Variants in COL19A1 observed in about 807,000 individuals in gnomAD.
COL19A1 encodes the protein collagen type XIX alpha 1 chain.
In COL19A1, 159 loss-of-function variants were observed where a neutral mutation model predicts 190.2. The observed-to-expected ratio is 0.84, with a 90% CI of 0.73 to 0.95. COL19A1 has a LOEUF of 0.95. COL19A1 is among the 40% of genes least tolerant of loss of function. The pLI is 0.00. For synonymous variants in COL19A1, 509 were observed against 458.9 expected, an observed-to-expected ratio of 1.11 and a Z score of -1.39; for missense variants, 1,418 against 1,431.9, an observed-to-expected ratio of 0.99 and a Z score of 0.16.
chr6:69,900,143 G>A (rs1228259304), intron 3 of COL19A1, 96 bp from the exon 4 acceptor site: 2 of 660,764 alleles, frequency 3.0e-6, no homozygotes, highest in Non-Finnish European at 4.6e-6. Flanking sequence ...TTCGTTTGAA[G>A]TGAATCAATT....
At chr6:70,193,595 G>A (rs573851220) in intron 48 of COL19A1, among the ~76,000 whole-genome samples, 2 of 152,282 alleles carry the variant, frequency 1.3e-5, no homozygotes, top group Non-Finnish European at 2.9e-5. Flanking sequence ...AGAAACCACA[G>A]GTGTCTTAGC....
chr6:69,978,272 GAGAA>G (rs754126312), intron 11 of COL19A1, among the ~76,000 whole-genome samples: 29 of 152,234 alleles, frequency 1.9e-4, no homozygotes, highest in Non-Finnish European at 4.0e-4. Flanking sequence ...GAGAAAGAGA[GAGAA>G]AGAGAGACAG....
At position 69,927,856 on chromosome 6, in the gene COL19A1, T is replaced by C. The variant is rs562687918; in HGVS notation, c.267-53T>C. On this transcript the variant is annotated intron_variant, in intron 4 of 50. Transcript: ENST00000620364. ...CACAGAACTTTATACCTAGATTTTATTTTCTTGCAATCTCCAGTTTCCCCA... is the reference window on the plus strand; with the variant it reads ...CACAGAACTTTATACCTAGATTTTACTTTCTTGCAATCTCCAGTTTCCCCA... 2.6e-6 allele frequency: 4 copies of C among 1,562,400 alleles called. No homozygotes were observed. In the East Asian group the frequency reaches 9.1e-5, roughly 36 times the overall value.
intron 6 of COL19A1, 86 bp downstream of exon 6, chr6:69,929,786 G>C: frequency 1.4e-5 from 17 of 1,211,868 alleles, no homozygotes; most frequent in Non-Finnish European, 1.9e-5. Flanking sequence ...TTTTATTACT[G>C]TGTAATAGAT....
chr6:69,948,732 C>A (rs1773962741), intron 9 of COL19A1, among the ~76,000 whole-genome samples: 1 of 151,752 alleles, frequency 6.6e-6, no homozygotes, highest in African/African-American at 2.4e-5. Flanking sequence ...CTACTCAGAA[C>A]TAAAAATTTT....
intron 14 of COL19A1, among the ~76,000 whole-genome samples, chr6:70,067,603 T>G (rs1781319058): frequency 6.6e-6 from 1 of 152,000 alleles, no homozygotes; most frequent in Non-Finnish European, 1.5e-5. Context: ...ATCTGGGAAT[T>G]GCTGGTCTAG....
At chr6:69,901,195 T>C (rs1349332485) in intron 4 of COL19A1, among the ~76,000 whole-genome samples, 1 of 152,202 alleles carries the variant, frequency 6.6e-6, no homozygotes, top group Non-Finnish European at 1.5e-5. Context: ...AAAATATGTA[T>C]GTATGTTTTC....
At chr6:70,194,867 C>T (rs1019293795) in intron 48 of COL19A1, among the ~76,000 whole-genome samples, 2 of 151,944 alleles carry the variant, frequency 1.3e-5, no homozygotes, top group Admixed American at 6.5e-5. Context: ...AAGATTTGGG[C>T]TAAGTATTCC....
At chr6:70,050,490 AC>A (rs1780145612) in intron 14 of COL19A1, among the ~76,000 whole-genome samples, 2 of 152,086 alleles carry the variant, frequency 1.3e-5, no homozygotes, top group African/African-American at 4.8e-5. Flanking sequence ...ATCCCCAGAG[AC>A]TAAAAGTATT....
chr6:69,901,761 T>C (rs1770207200), intron 4 of COL19A1, among the ~76,000 whole-genome samples: 1 of 152,232 alleles, frequency 6.6e-6, no homozygotes, highest in South Asian at 2.1e-4. Flanking sequence ...AAAATTAAGA[T>C]GCATTTTCTC....
At chr6:70,052,326 A>G (rs909767782) in intron 14 of COL19A1, among the ~76,000 whole-genome samples, 1 of 152,166 alleles carries the variant, frequency 6.6e-6, no homozygotes, top group Non-Finnish European at 1.5e-5. Context: ...ATAGTTCAGA[A>G]CCTAGAGCAG....
Position 69,894,615 on chromosome 6 carries a change from G to C in COL19A1, c.92-4333G>C, listed in dbSNP as rs116912758. 5.9e-3 allele frequency among the ~76,000 whole-genome samples: 896 copies of C among 152,310 alleles called. 25 individuals are homozygous for C. In the East Asian group the frequency reaches 0.076, roughly 13 times the overall value. On this transcript the variant is annotated intron_variant, in intron 2 of 50. Transcript: ENST00000620364. ...ATTAAACACAGTACATAGACATGCAGAAGAAAACCCAGTCGCTGGGTGGGG... is the reference window on the plus strand; with the variant it reads ...ATTAAACACAGTACATAGACATGCACAAGAAAACCCAGTCGCTGGGTGGGG...
intron 46 of COL19A1, among the ~76,000 whole-genome samples, chr6:70,186,484 G>A (rs979960313): frequency 6.6e-6 from 1 of 152,062 alleles, no homozygotes; most frequent in African/African-American, 2.4e-5. Flanking sequence ...TTCCATATCT[G>A]ATTCTATGAT....
intron 40 of COL19A1, among the ~76,000 whole-genome samples, chr6:70,170,760 A>G (rs1765451234): frequency 6.6e-6 from 1 of 152,150 alleles, no homozygotes; most frequent in South Asian, 2.1e-4. Flanking sequence ...TTTCTGAAAC[A>G]TAGAAAGCAT....
intron 16 of COL19A1, among the ~76,000 whole-genome samples, chr6:70,116,793 T>G (rs545568048): frequency 6.6e-6 from 1 of 152,224 alleles, no homozygotes; most frequent in African/African-American, 2.4e-5. Flanking sequence ...AAAGCGATTT[T>G]TTAGCACTTT....
chr6:69,957,906 T>G (rs1774523604), intron 9 of COL19A1, among the ~76,000 whole-genome samples: 1 of 152,178 alleles, frequency 6.6e-6, no homozygotes, highest in Non-Finnish European at 1.5e-5. Context: ...ACATTTCCTA[T>G]GAGATAATCA....
chr6:69,968,269 A>G (rs1305827856), intron 11 of COL19A1, among the ~76,000 whole-genome samples: 2 of 152,186 alleles, frequency 1.3e-5, no homozygotes, highest in Non-Finnish European at 1.5e-5. Context: ...TTCTTATCAA[A>G]TGAATATTAA....
At chr6:69,932,921 A>G (rs1261601632) in intron 7 of COL19A1, 58 bp downstream of exon 7, 10 of 1,194,804 alleles carry the variant, frequency 8.4e-6, no homozygotes, top group Non-Finnish European at 1.2e-5. Flanking sequence ...TTTTAGTGGC[A>G]TAGTTTGTAG....
rs565006150 is a variant in COL19A1, at chr6:70,100,080, G to A, written c.1225-2089G>A. 6.7e-4 allele frequency among the ~76,000 whole-genome samples: 102 copies of A among 152,214 alleles called. 2 individuals carry two copies. The South Asian group carries it at 0.019, about 28-fold the overall frequency. On this transcript the variant is annotated intron_variant, in intron 15 of 50. Coordinates refer to ENST00000620364, the MANE Select transcript of COL19A1 (RefSeq NM_001858.6). ...ATCAACAGTCAGCTTCATTTTCCCC[G>A]CTTCCTGCCCAAATCAATATACATG...
Sources: allele counts gnomAD v4.1 joint callset (sites outside exome capture counted in the v4.1 genomes callset), GRCh38; gene constraint gnomAD v4.1.1; transcripts MANE v1.5; gene names NCBI Gene and HGNC (gene_info 2026-07-23, HGNC 2026-07-21).